The following CACNA1D variants were observed in gnomAD, a reference collection of about 807,000 sequenced individuals.
CACNA1D encodes calcium voltage-gated channel subunit alpha1 D, also known as voltage-dependent L-type calcium channel subunit alpha-1D.
CACNA1D carries 55 observed loss-of-function variants against 257.1 expected under a neutral mutation model. The observed-to-expected ratio is 0.21, with a 90% CI of 0.17 to 0.27. The LOEUF (loss-of-function observed/expected upper bound fraction) is 0.27. Ranked by LOEUF, CACNA1D falls within the 10% of genes least tolerant of loss-of-function variation. The pLI, the probability that CACNA1D is intolerant of heterozygous loss-of-function variation, is 1.00. For synonymous variants in CACNA1D, 980 were observed against 1,014.9 expected, an observed-to-expected ratio of 0.97 and a Z score of 0.65; for missense variants, 1,876 against 2,784.0, an observed-to-expected ratio of 0.67 and a Z score of 7.34.
At chr3:53,515,544 G>A (rs1292960929) in intron 3 of CACNA1D, among the ~76,000 whole-genome samples, 1 of 152,160 alleles carries the variant, frequency 6.6e-6, no homozygotes, top group South Asian at 2.1e-4. Flanking sequence ...ACTTGCCCAA[G>A]AGCAAACAGC....
intron 3 of CACNA1D, among the ~76,000 whole-genome samples, chr3:53,506,772 C>T (rs1222158450): frequency 6.6e-6 from 1 of 152,134 alleles, no homozygotes; most frequent in Non-Finnish European, 1.5e-5. Flanking sequence ...GCAAATTTAA[C>T]TATTAAAGAG....
intron 3 of CACNA1D, among the ~76,000 whole-genome samples, chr3:53,564,679 A>G (rs1163236785): frequency 6.6e-6 from 1 of 152,146 alleles, no homozygotes; most frequent in Non-Finnish European, 1.5e-5. Context: ...TGTATATCCT[A>G]GACACCTTTC....
At chr3:53,697,429 T>A (rs2094582814) in intron 8 of CACNA1D, among the ~76,000 whole-genome samples, 1 of 152,174 alleles carries the variant, frequency 6.6e-6, no homozygotes, top group Non-Finnish European at 1.5e-5. Flanking sequence ...ACATGAGAAA[T>A]GGACAGACAA....
At position 53,751,796 on chromosome 3, in the gene CACNA1D, C is replaced by T. The variant is rs769593458; in HGVS notation, c.3564C>T (p.Tyr1188=). 1.2e-6 allele frequency: 2 copies of T among 1,613,992 alleles called. No individual in the cohort carries two copies. Among genetic ancestry groups the T allele is most frequent in the South Asian group, 1.1e-5 (1 of 91,080 alleles). The part of the protein sequence containing the change: ...YALKARPLRR[Y]IPKNPYQYKF... ...TGAAAGCACGTCCCTTGCGGAGATA[C>T]ATCCCCAAAAACCCCTACCAGTACA... The change falls in exon 28 of 48, where the codon TAC becomes TAT. Residue 1188 remains tyrosine (Y), a synonymous_variant. Transcript: ENST00000350061. This position sits in a 1 kb window ranked among gnomAD's most constrained non-coding sequence, Gnocchi z 4.3.
intron 3 of CACNA1D, among the ~76,000 whole-genome samples, chr3:53,579,126 G>A (rs709321): frequency 0.06 from 9,153 of 152,220 alleles, 302 homozygotes; most frequent in Non-Finnish European, 0.078. Context: ...TGACTTCCAG[G>A]GATAGCGTTG....
chr3:53,605,195 T>C (rs2093493248), intron 3 of CACNA1D, among the ~76,000 whole-genome samples: 1 of 152,196 alleles, frequency 6.6e-6, no homozygotes, highest in African/African-American at 2.4e-5. Context: ...CGACTGTGGG[T>C]AGGGAGATCC....
rs1423770805 is a variant in CACNA1D at position 53,749,424 on chromosome 3, A to G, written c.3471A>G (p.Glu1157=). ...GCTTTGTCATCGTTACATTTCAGGA[A>G]CAAGGAGAAAAAGAGTATAAGAACT... The part of the protein sequence containing the change: ...FVGFVIVTFQ[E]QGEKEYKNCE... Residue 1157 remains glutamate, a synonymous_variant, in exon 27 of 48, where the codon GAA becomes GAG. Transcript: ENST00000350061. 2 of 1,614,036 alleles carry G rather than the reference A, an allele frequency of 1.2e-6. No individual in the cohort carries two copies. The highest frequency in any genetic ancestry group is 1.7e-6 in the Non-Finnish European group (2 of 1,179,902).
Position 53,495,278 on chromosome 3 carries a change from T to A in CACNA1D, c.67+45T>A, listed in dbSNP as rs777725122. The A allele has an allele frequency of 1.2e-6, 2 of 1,610,754 alleles. No homozygotes were observed. Among genetic ancestry groups the A allele is most frequent in the South Asian group, 2.2e-5 (2 of 90,966 alleles). Reference sequence around the variant, plus strand: ...GCACCCGCTGCCAAATCCGATCCTGTCATGGTCCTCCAGCCCCCTCCCCCT... The same window carrying A: ...GCACCCGCTGCCAAATCCGATCCTGACATGGTCCTCCAGCCCCCTCCCCCT... On this transcript the variant is annotated intron_variant, in intron 1 of 47. Transcript: ENST00000350061. The surrounding 1 kb of genome is among the most constrained non-coding windows in gnomAD (Gnocchi z 5.1).
chr3:53,545,791 G>T (rs2092399654), intron 3 of CACNA1D, among the ~76,000 whole-genome samples: 1 of 152,204 alleles, frequency 6.6e-6, no homozygotes, highest in Non-Finnish European at 1.5e-5. Flanking sequence ...ATAAAACAGA[G>T]TTGGGGCAGG....
At chr3:53,636,914 T>C (rs926437295) in intron 3 of CACNA1D, among the ~76,000 whole-genome samples, 22 of 152,398 alleles carry the variant, frequency 1.4e-4, no homozygotes, top group Admixed American at 2.6e-4. Context: ...TTAAGGTGAC[T>C]TGTGTCACTG....
intron 3 of CACNA1D, among the ~76,000 whole-genome samples, chr3:53,507,089 A>AAAAAAAAAG (rs1559764209): frequency 6.7e-6 from 1 of 150,176 alleles, no homozygotes. Flanking sequence ...AAAAAAAAAA[A>AAAAAAAAAG]AAAACAAAAA....
At chr3:53,511,061 G>C (rs1013804819) in intron 3 of CACNA1D, among the ~76,000 whole-genome samples, 1 of 152,116 alleles carries the variant, frequency 6.6e-6, no homozygotes, top group African/African-American at 2.4e-5. Flanking sequence ...GACAAATACT[G>C]CCTTTATGTC....
chr3:53,568,466 ACTT>A (rs2092887160), intron 3 of CACNA1D, among the ~76,000 whole-genome samples: 1 of 152,156 alleles, frequency 6.6e-6, no homozygotes, highest in Admixed American at 6.5e-5. Context: ...CCAGGAGAGA[ACTT>A]CTCAAAAGCG....
chr3:53,698,651 A>G (rs2094593651), intron 8 of CACNA1D, among the ~76,000 whole-genome samples: 1 of 152,226 alleles, frequency 6.6e-6, no homozygotes, highest in African/African-American at 2.4e-5. Flanking sequence ...AACTATAGAA[A>G]AAGGTATACT....
intron 3 of CACNA1D, among the ~76,000 whole-genome samples, chr3:53,579,192 G>A (rs2093089681): frequency 6.6e-6 from 1 of 152,214 alleles, no homozygotes; most frequent in Admixed American, 6.5e-5. Flanking sequence ...TCAACAGTAA[G>A]CTAAAGCTGA....
intron 8 of CACNA1D, among the ~76,000 whole-genome samples, chr3:53,695,612 G>A (rs1406509310): frequency 6.6e-6 from 1 of 152,238 alleles, no homozygotes. Context: ...AGAGGTGACA[G>A]TGACCGTAGC....
intron 3 of CACNA1D, among the ~76,000 whole-genome samples, chr3:53,626,976 C>T (rs192642111): frequency 4.8e-4 from 73 of 152,334 alleles, no homozygotes; most frequent in African/African-American, 1.7e-3. Context: ...GCTCTGACTC[C>T]TCCATTAGTG....
intron 3 of CACNA1D, among the ~76,000 whole-genome samples, chr3:53,635,201 A>C (rs1433601092): frequency 6.6e-6 from 1 of 152,102 alleles, no homozygotes; most frequent in Admixed American, 6.5e-5. Context: ...CCTGACTGCA[A>C]ACAGCCGCCA....
chr3:53,543,581 A>C, intron 3 of CACNA1D, among the ~76,000 whole-genome samples: 1 of 152,266 alleles, frequency 6.6e-6, no homozygotes, highest in South Asian at 2.1e-4. Flanking sequence ...TATTGTCCTA[A>C]TAATAGCTAA....
Sources: allele counts gnomAD v4.1 joint callset (sites outside exome capture counted in the v4.1 genomes callset), GRCh38; gene constraint gnomAD v4.1.1; non-coding constraint Gnocchi (gnomAD v3.1); transcripts MANE v1.5; gene names NCBI Gene and HGNC (gene_info 2026-07-23, HGNC 2026-07-21).